Variants in SUMF1 observed in about 807,000 individuals in gnomAD.
SUMF1 encodes sulfatase modifying factor 1.
SUMF1 carries 48 observed loss-of-function variants against 47.6 expected under a neutral mutation model. The observed-to-expected ratio is 1.01, with a 90% CI of 0.80 to 1.28. The LOEUF (loss-of-function observed/expected upper bound fraction) is 1.28, where lower values mean the gene tolerates loss of function less well. SUMF1 is among the 50% of genes most tolerant of loss of function. The pLI is 0.00. For missense variants in SUMF1, 571 were observed against 485.4 expected (o/e 1.18, Z -1.66); for synonymous variants, 230 against 192.1 (o/e 1.20, Z -1.63).
At chr3:4,076,081 C>CT (rs1356135261) in intron 8 of SUMF1, among the ~76,000 whole-genome samples, 2 of 152,068 alleles carry the variant, frequency 1.3e-5, no homozygotes, top group Admixed American at 6.5e-5. Context: ...TGCTACCTGA[C>CT]TTTAAACTAT....
chr3:4,382,338 A>ACACACACAC (rs773757205), intron 7 of SUMF1, among the ~76,000 whole-genome samples: 5 of 149,012 alleles, frequency 3.4e-5, no homozygotes, highest in Non-Finnish European at 6.0e-5. Flanking sequence ...ACATACATGC[A>ACACACACAC]CACACACACA....
At position 4,405,106 on chromosome 3, in the gene SUMF1, C is replaced by A. The variant is rs567953264; in HGVS notation, c.954+5759G>T. ...GCCAGAGGATCACAGGGAAGGGGAA[C>A]AATCAAGTGTGGAGTTTAGAGGATC... On this transcript the variant is annotated intron_variant, in intron 7 of 8. Transcript: ENST00000272902. Among the ~76,000 whole-genome samples the A allele has an allele frequency of 2.1e-4, 32 of 152,286 alleles. No homozygotes were observed. In the South Asian group the frequency reaches 2.3e-3, roughly 11 times the overall value.
intron 8 of SUMF1, among the ~76,000 whole-genome samples, chr3:4,209,942 T>A (rs2587938): frequency 6.6e-6 from 1 of 151,950 alleles, no homozygotes; most frequent in Non-Finnish European, 1.5e-5. Flanking sequence ...TCACCCAGGC[T>A]GGAGTGCAGT....
intron 9 of SUMF1, among the ~76,000 whole-genome samples, chr3:4,050,014 C>A (rs1019182036): frequency 2.0e-5 from 3 of 152,040 alleles, no homozygotes; most frequent in East Asian, 3.9e-4. Flanking sequence ...TTCGGATGGC[C>A]CTTCTCTTCT....
At chr3:4,147,138 T>G (rs1441840037) in intron 8 of SUMF1, among the ~76,000 whole-genome samples, 1 of 152,096 alleles carries the variant, frequency 6.6e-6, no homozygotes, top group Non-Finnish European at 1.5e-5. Context: ...CCAGTTAGAA[T>G]GGCGATCATT....
At chr3:4,181,605 G>C (rs968649852) in intron 8 of SUMF1, among the ~76,000 whole-genome samples, 1 of 152,058 alleles carries the variant, frequency 6.6e-6, no homozygotes, top group Non-Finnish European at 1.5e-5. Context: ...GAAGGCCTTG[G>C]ATCAAATGAG....
chr3:4,151,643 GGAA>G (rs770594529), intron 8 of SUMF1, among the ~76,000 whole-genome samples: 5 of 148,102 alleles, frequency 3.4e-5, no homozygotes, highest in African/African-American at 5.1e-5. Flanking sequence ...GGACCACACT[GGAA>G]GAAGAAGAAT....
At chr3:4,341,977 G>T (rs375658043) in intron 8 of SUMF1, among the ~76,000 whole-genome samples, 2 of 152,134 alleles carry the variant, frequency 1.3e-5, no homozygotes, top group African/African-American at 4.8e-5. Flanking sequence ...ACTTTAGCAC[G>T]AATCCAATTT....
chr3:4,296,638 A>C (rs1697858408), intron 8 of SUMF1, among the ~76,000 whole-genome samples: 1 of 152,152 alleles, frequency 6.6e-6, no homozygotes, highest in African/African-American at 2.4e-5. Flanking sequence ...CAACCCCCTG[A>C]TTCAATTACC....
At chr3:4,110,095 G>A (rs1490830636) in intron 8 of SUMF1, among the ~76,000 whole-genome samples, 2 of 152,092 alleles carry the variant, frequency 1.3e-5, no homozygotes, top group Non-Finnish European at 2.9e-5. Flanking sequence ...ACGTACAGAT[G>A]GGTTTTTGGT....
intron 8 of SUMF1, among the ~76,000 whole-genome samples, chr3:4,210,485 A>C (rs1385041893): frequency 6.6e-6 from 1 of 152,142 alleles, no homozygotes; most frequent in Admixed American, 6.5e-5. Context: ...ATTGTCACCA[A>C]TTTACATACC....
At chr3:4,147,249 C>G (rs997480972) in intron 8 of SUMF1, among the ~76,000 whole-genome samples, 2 of 152,066 alleles carry the variant, frequency 1.3e-5, no homozygotes, top group Non-Finnish European at 2.9e-5. Flanking sequence ...TTGTGGAAGT[C>G]AGTGTGGCGA....
intron 8 of SUMF1, among the ~76,000 whole-genome samples, chr3:4,253,038 TA>T (rs1200599901): frequency 4.6e-5 from 7 of 152,232 alleles, no homozygotes; most frequent in Non-Finnish European, 8.8e-5. Flanking sequence ...TGTTTTTCCA[TA>T]AGAGTTTTAA....
In SUMF1 at chr3:4,345,087, T is replaced by C. The variant is rs115341015; in HGVS notation, c.1014+31243A>G. 4.8e-3 allele frequency among the ~76,000 whole-genome samples: 733 copies of C among 151,908 alleles called. 7 individuals are homozygous for C. Among genetic ancestry groups the C allele is most frequent in the African/African-American group, 0.017 (707 of 41,414 alleles). On this transcript the variant is annotated intron_variant and NMD_transcript_variant, in intron 8 of 12. Coordinates refer to the SUMF1 transcript ENST00000448413. ...GAGTACCAGAAGGAGACAGGGAGAA[T>C]GGAAACAAGTGGGAAAACACACTTC...
intron 8 of SUMF1, among the ~76,000 whole-genome samples, chr3:4,374,645 C>G (rs2124832663): frequency 6.6e-6 from 1 of 152,168 alleles, no homozygotes; most frequent in South Asian, 2.1e-4. Context: ...GTGCCATATG[C>G]CAGAGACATA....
At chr3:4,358,173 C>T (rs896544532), downstream of SUMF1, among the ~76,000 whole-genome samples, 6 of 151,928 alleles carry the variant, frequency 3.9e-5, no homozygotes, top group African/African-American at 1.2e-4. Context: ...CTTCTAATCA[C>T]GTTTACAGCT....
chr3:4,234,842 G>T (rs899910675), intron 8 of SUMF1, among the ~76,000 whole-genome samples: 3 of 152,102 alleles, frequency 2.0e-5, no homozygotes, highest in African/African-American at 7.2e-5. Context: ...GCATGGCATC[G>T]TCAAGGAAAA....
chr3:4,074,613 A>AAG (rs545797394), intron 8 of SUMF1, among the ~76,000 whole-genome samples: 1 of 151,978 alleles, frequency 6.6e-6, no homozygotes, highest in Non-Finnish European at 1.5e-5. Flanking sequence ...TAAAGAAGAA[A>AAG]AGAGAAGAAT....
chr3:4,285,449 A>G (rs959260284), intron 8 of SUMF1, among the ~76,000 whole-genome samples: 3 of 152,152 alleles, frequency 2.0e-5, no homozygotes, highest in African/African-American at 4.8e-5. Flanking sequence ...GAGTTTATGA[A>G]TTTTCACAAT....
Sources: allele counts gnomAD v4.1 joint callset (sites outside exome capture counted in the v4.1 genomes callset), GRCh38; gene constraint gnomAD v4.1.1; transcripts MANE v1.5; gene names NCBI Gene and HGNC (gene_info 2026-07-23, HGNC 2026-07-21).